Variants in FOXO1 observed in about 807,000 individuals in gnomAD.
The protein encoded by FOXO1 is forkhead box O1.
FOXO1 carries 6 observed loss-of-function variants against 44.1 expected under a neutral mutation model. The observed-to-expected ratio is 0.14, with a 90% CI of 0.07 to 0.27. FOXO1 has a LOEUF of 0.27. FOXO1 is among the 10% of genes least tolerant of loss of function. FOXO1 has a pLI of 1.00. For synonymous variants in FOXO1, 380 were observed against 362.7 expected, an observed-to-expected ratio of 1.05 and a Z score of -0.54; for missense variants, 737 against 888.8, an observed-to-expected ratio of 0.83 and a Z score of 2.17.
chr13:40,665,139 TC>T (rs1170284341), intron 1 of FOXO1, among the ~76,000 whole-genome samples: 1 of 148,352 alleles, frequency 6.7e-6, no homozygotes, highest in Non-Finnish European at 1.5e-5. Context: ...CGCCGCGCCC[TC>T]CCCCGCCGCG....
chr13:40,611,025 T>C (rs1035445458), intron 1 of FOXO1: 8 of 455,622 alleles, frequency 1.8e-5, no homozygotes, highest in Non-Finnish European at 3.5e-5. Context: ...TCTTACTTGT[T>C]GCAAACTCTC....
At chr13:40,583,185 CTG>C (rs895681789) in intron 1 of FOXO1, among the ~76,000 whole-genome samples, 24 of 152,326 alleles carry the variant, frequency 1.6e-4, no homozygotes, top group African/African-American at 4.6e-4. Flanking sequence ...TAGGTCTCAA[CTG>C]TGGGCTTAAA....
At chr13:40,617,885 A>T (rs985888979) in intron 1 of FOXO1, among the ~76,000 whole-genome samples, 4 of 152,212 alleles carry the variant, frequency 2.6e-5, no homozygotes, top group African/African-American at 9.7e-5. Flanking sequence ...TTCTCTGAAG[A>T]CAAGGAAGGA....
chr13:40,629,291 C>T (rs570917746), intron 1 of FOXO1, among the ~76,000 whole-genome samples: 46 of 152,178 alleles, frequency 3.0e-4, no homozygotes, highest in Non-Finnish European at 6.0e-4. Flanking sequence ...TACAGGCATG[C>T]GCCACCACGC....
chr13:40,653,983 C>T (rs144820226), intron 1 of FOXO1, among the ~76,000 whole-genome samples: 1 of 152,184 alleles, frequency 6.6e-6, no homozygotes, highest in African/African-American at 2.4e-5. Flanking sequence ...AACTGTTTAT[C>T]CAAGAAATAT....
At chr13:40,596,232 G>A (rs1398777463) in intron 1 of FOXO1, among the ~76,000 whole-genome samples, 1 of 152,094 alleles carries the variant, frequency 6.6e-6, no homozygotes, top group African/African-American at 2.4e-5. Flanking sequence ...CTCCCGAATG[G>A]GATGATTTTC....
Position 40,639,209 on chromosome 13 carries a change from A to C in FOXO1, c.630+26374T>G, listed in dbSNP as rs192528229. 1.1e-3 allele frequency among the ~76,000 whole-genome samples: 173 copies of C among 152,272 alleles called. 2 individuals are homozygous for C. Among genetic ancestry groups the C allele is most frequent in the Non-Finnish European group, 1.9e-3 (128 of 68,026 alleles). ...AGGGAAACTCTGTCTTTAAAAAAAA[A>C]AACAACAACAGTTACTAAGACAATG... On this transcript the variant is annotated intron_variant, in intron 1 of 2. Coordinates refer to ENST00000379561, the MANE Select transcript of FOXO1 (RefSeq NM_002015.4).
chr13:40,635,451 A>C (rs765662325), intron 1 of FOXO1, among the ~76,000 whole-genome samples: 5 of 152,194 alleles, frequency 3.3e-5, no homozygotes, highest in Non-Finnish European at 7.3e-5. Context: ...TTAATACTGC[A>C]TCCATGGGGA....
At chr13:40,636,517 CTTTTT>C (rs376651061) in intron 1 of FOXO1, among the ~76,000 whole-genome samples, 2 of 121,970 alleles carry the variant, frequency 1.6e-5, no homozygotes. Context: ...TTTTCAAAAA[CTTTTT>C]TTTTTTTTTT....
chr13:40,607,258 G>A (rs1248579669), intron 1 of FOXO1, among the ~76,000 whole-genome samples: 5 of 152,144 alleles, frequency 3.3e-5, no homozygotes, highest in African/African-American at 4.8e-5. Context: ...ATGCTTCCTC[G>A]TGCTACACCC....
chr13:40,603,843 T>C (rs1200955147), intron 1 of FOXO1, among the ~76,000 whole-genome samples: 1 of 152,218 alleles, frequency 6.6e-6, no homozygotes, highest in African/African-American at 2.4e-5. Flanking sequence ...GGAAAACAAT[T>C]ACTACTGCAC....
chr13:40,578,187 T>C (rs1263034251), intron 1 of FOXO1, among the ~76,000 whole-genome samples: 1 of 152,156 alleles, frequency 6.6e-6, no homozygotes, highest in Non-Finnish European at 1.5e-5. Flanking sequence ...ATGTGCCTTG[T>C]CAAACTTCAG....
At chr13:40,568,337 C>T (rs965527545) in intron 1 of FOXO1, among the ~76,000 whole-genome samples, 4 of 152,290 alleles carry the variant, frequency 2.6e-5, no homozygotes, top group East Asian at 1.9e-4. Context: ...TCAATGTGTG[C>T]GATTGTTATG....
At chr13:40,593,312 G>A (rs1593391975) in intron 1 of FOXO1, among the ~76,000 whole-genome samples, 1 of 152,256 alleles carries the variant, frequency 6.6e-6, no homozygotes, top group African/African-American at 2.4e-5. Context: ...ACAGGCATGA[G>A]CCACCGTGTC....
intron 1 of FOXO1, among the ~76,000 whole-genome samples, chr13:40,662,297 A>G (rs1187331702): frequency 1.3e-5 from 2 of 152,112 alleles, no homozygotes; most frequent in African/African-American, 2.4e-5. Flanking sequence ...CTTTTAACCT[A>G]AAGTGTTCCT....
At chr13:40,627,267 G>A (rs1876816275) in intron 1 of FOXO1, among the ~76,000 whole-genome samples, 1 of 152,106 alleles carries the variant, frequency 6.6e-6, no homozygotes, top group African/African-American at 2.4e-5. Context: ...CCCAAACCCA[G>A]ATAGATCACA....
At chr13:40,643,913 G>A (rs1199562494) in intron 1 of FOXO1, among the ~76,000 whole-genome samples, 1 of 152,136 alleles carries the variant, frequency 6.6e-6, no homozygotes, top group Non-Finnish European at 1.5e-5. Context: ...TACAGATGAC[G>A]ATGCTAGTAC....
intron 1 of FOXO1, among the ~76,000 whole-genome samples, chr13:40,602,695 A>T (rs1175690735): frequency 6.6e-6 from 1 of 152,238 alleles, no homozygotes; most frequent in Non-Finnish European, 1.5e-5. Flanking sequence ...CATTCTATCT[A>T]GATGGCATGA....
chr13:40,562,905 C>A (rs1028559790), intron 1 of FOXO1: 3 of 152,466 alleles, frequency 2.0e-5, no homozygotes, highest in African/African-American at 7.2e-5. Context: ...TGTCTTATAG[C>A]TTCTGGCCCC....
Sources: allele counts gnomAD v4.1 joint callset (sites outside exome capture counted in the v4.1 genomes callset), GRCh38; gene constraint gnomAD v4.1.1; transcripts MANE v1.5; gene names NCBI Gene and HGNC (gene_info 2026-07-23, HGNC 2026-07-21).